The following EYS variants were observed in gnomAD, a reference collection of about 807,000 sequenced individuals.
The protein encoded by EYS is protein eyes shut homolog.
In EYS, 250 loss-of-function variants were observed where a neutral mutation model predicts 282.1. That is an observed-to-expected ratio of 0.89 (90% CI 0.80 to 0.98). EYS has a LOEUF of 0.98. Among genes scored for constraint, EYS ranks in the 50% least tolerant of loss-of-function variants. The pLI is 0.00. For synonymous variants in EYS, 1,355 were observed against 1,282.9 expected (o/e 1.06, Z -1.20); for missense variants, 4,016 against 3,709.0 (o/e 1.08, Z -2.15).
At chr6:63,816,764 C>T (rs937155764) in intron 36 of EYS, among the ~76,000 whole-genome samples, 10 of 152,214 alleles carry the variant, frequency 6.6e-5, no homozygotes, top group South Asian at 2.1e-4. Flanking sequence ...AGGAAGTTCA[C>T]GTGCTACGTG....
intron 37 of EYS, among the ~76,000 whole-genome samples, chr6:63,796,732 G>C (rs987990376): frequency 6.6e-6 from 1 of 152,096 alleles, no homozygotes; most frequent in African/African-American, 2.4e-5. Flanking sequence ...TTAAGTTTTG[G>C]CTGCTCACTT....
At chr6:64,329,254 G>A (rs1048809223) in intron 29 of EYS, among the ~76,000 whole-genome samples, 2 of 152,086 alleles carry the variant, frequency 1.3e-5, no homozygotes, top group East Asian at 1.9e-4. Flanking sequence ...ACAGAAAAGA[G>A]GCCTTATTTC....
chr6:65,173,480 G>GA (rs1462405320), intron 12 of EYS, among the ~76,000 whole-genome samples: 2 of 151,064 alleles, frequency 1.3e-5, no homozygotes, highest in Admixed American at 1.3e-4. Flanking sequence ...AATTTTCCCT[G>GA]ACATCTAATG....
chr6:64,426,001 T>C (rs1265796993), intron 28 of EYS, among the ~76,000 whole-genome samples: 2 of 152,030 alleles, frequency 1.3e-5, no homozygotes, highest in Non-Finnish European at 2.9e-5. Flanking sequence ...GGTAGGTGTT[T>C]AGATAGATGA....
chr6:65,574,026 G>T (rs1302555588), intron 2 of EYS, among the ~76,000 whole-genome samples: 1 of 152,120 alleles, frequency 6.6e-6, no homozygotes, highest in Non-Finnish European at 1.5e-5. Context: ...AATCATCCAT[G>T]CCTCACAGAC....
At chr6:63,951,968 G>C (rs1388317866) in intron 35 of EYS, among the ~76,000 whole-genome samples, 1 of 152,040 alleles carries the variant, frequency 6.6e-6, no homozygotes, top group African/African-American at 2.4e-5. Context: ...ATTAAATAAA[G>C]CTCCAAAAAT....
intron 2 of EYS, among the ~76,000 whole-genome samples, chr6:65,511,926 A>G (rs1176252983): frequency 6.8e-6 from 1 of 146,352 alleles, no homozygotes; most frequent in African/African-American, 2.5e-5. Flanking sequence ...CGGAGATTGC[A>G]GTGAGCCGAG....
intron 26 of EYS, among the ~76,000 whole-genome samples, chr6:64,523,291 G>A (rs116461276): frequency 3.3e-3 from 497 of 151,698 alleles, no homozygotes; most frequent in Non-Finnish European, 4.9e-3. Flanking sequence ...CATTTATGTC[G>A]CCTTTCTTCT....
chr6:64,719,162 C>T (rs1369880796), intron 22 of EYS, among the ~76,000 whole-genome samples: 4 of 152,098 alleles, frequency 2.6e-5, no homozygotes, highest in African/African-American at 7.2e-5. Context: ...TAACAGTCAG[C>T]AAGGAAAAGG....
intron 14 of EYS, among the ~76,000 whole-genome samples, chr6:64,995,720 C>CCT (rs1554225561): frequency 2.0e-5 from 3 of 148,428 alleles, no homozygotes; most frequent in Non-Finnish European, 4.5e-5. Context: ...CTGCTTCCCC[C>CCT]CCGCCCCATA....
intron 22 of EYS, among the ~76,000 whole-genome samples, chr6:64,728,531 TTC>T (rs1239366143): frequency 6.6e-6 from 1 of 152,058 alleles, no homozygotes; most frequent in African/African-American, 2.4e-5. Context: ...GAGGTGGGGT[TTC>T]ACCGCATTAT....
intron 19 of EYS, among the ~76,000 whole-genome samples, chr6:64,881,592 G>A (rs1766920970): frequency 6.6e-6 from 1 of 151,686 alleles, no homozygotes; most frequent in Admixed American, 6.6e-5. Flanking sequence ...TTAGGGTAGG[G>A]AACCTTCTCT....
At position 65,177,571 on chromosome 6, in the gene EYS, T is replaced by G. The variant is rs76131915; in HGVS notation, c.2023+118292A>C. Among the ~76,000 whole-genome samples the G allele has an allele frequency of 6.4e-3, 974 of 151,990 alleles. 12 individuals are homozygous for G. The highest frequency in any genetic ancestry group is 0.022 in the African/African-American group (916 of 41,508). On this transcript the variant is annotated intron_variant, in intron 12 of 42. Coordinates refer to ENST00000503581, the MANE Select transcript of EYS (RefSeq NM_001142800.2). ...CTGTCTTTTTTTAGCAAGTTTGTTC[T>G]CTTTCCAATTCAGTATCTGTGTATG...
intron 12 of EYS, among the ~76,000 whole-genome samples, chr6:65,203,669 C>A (rs117877865): frequency 1.6e-4 from 24 of 152,118 alleles, no homozygotes; most frequent in African/African-American, 5.8e-4. Context: ...AACAAAATAA[C>A]GGATATTATG....
intron 12 of EYS, among the ~76,000 whole-genome samples, chr6:65,244,218 G>C (rs1407363251): frequency 6.6e-6 from 1 of 152,066 alleles, no homozygotes; most frequent in Non-Finnish European, 1.5e-5. Flanking sequence ...TATTAGAAGA[G>C]GTCATTGGTA....
At chr6:64,656,524 A>G (rs1036641196) in intron 22 of EYS, among the ~76,000 whole-genome samples, 12 of 152,180 alleles carry the variant, frequency 7.9e-5, no homozygotes, top group Non-Finnish European at 1.6e-4. Context: ...TATAAAACAC[A>G]CCTAAAGTTG....
At chr6:63,953,027 C>T (rs912929204) in intron 35 of EYS, among the ~76,000 whole-genome samples, 4 of 152,186 alleles carry the variant, frequency 2.6e-5, no homozygotes, top group Non-Finnish European at 4.4e-5. Flanking sequence ...TGTGCCTTAT[C>T]AACCAAATTG....
intron 24 of EYS, among the ~76,000 whole-genome samples, chr6:64,615,543 T>C (rs780699246): frequency 6.6e-6 from 1 of 152,148 alleles, no homozygotes; most frequent in Non-Finnish European, 1.5e-5. Flanking sequence ...TTTTCAAAAG[T>C]ATATTTCTTA....
At chr6:65,020,458 CTCACAT>C (rs1772214618) in intron 13 of EYS, among the ~76,000 whole-genome samples, 3 of 152,154 alleles carry the variant, frequency 2.0e-5, no homozygotes, top group Non-Finnish European at 4.4e-5. Flanking sequence ...TGCTCCATGT[CTCACAT>C]CCAGATCACA....
Sources: allele counts gnomAD v4.1 joint callset (sites outside exome capture counted in the v4.1 genomes callset), GRCh38; gene constraint gnomAD v4.1.1; transcripts MANE v1.5; gene names NCBI Gene and HGNC (gene_info 2026-07-23, HGNC 2026-07-21).